TRPM3: variants seen among roughly 807,000 people sequenced by gnomAD.
TRPM3 encodes the protein long transient receptor potential channel 3.
TRPM3 carries 77 observed loss-of-function variants against 181.2 expected under a neutral mutation model. The ratio of observed to expected loss-of-function variants is 0.42; its 90% CI spans 0.35 to 0.51. The LOEUF is 0.51. Ranked by LOEUF, TRPM3 falls within the 20% of genes least tolerant of loss-of-function variation. TRPM3 has a pLI of 0.01. For synonymous variants in TRPM3, 745 were observed against 796.4 expected (o/e 0.94, Z 1.09); for missense variants, 1,759 against 2,196.7 (o/e 0.80, Z 3.98).
At chr9:70,906,867 C>T (rs923423909) in intron 1 of TRPM3, among the ~76,000 whole-genome samples, 1 of 152,124 alleles carries the variant, frequency 6.6e-6, no homozygotes, top group African/African-American at 2.4e-5. Context: ...TGCTCCATTA[C>T]ACTCCAGCCT....
chr9:71,105,254 T>C (rs547976603), intron 1 of TRPM3, among the ~76,000 whole-genome samples: 2 of 152,158 alleles, frequency 1.3e-5, no homozygotes, highest in Admixed American at 6.5e-5. Context: ...AAAACTAATA[T>C]AGAGTGTGTT....
intron 1 of TRPM3, among the ~76,000 whole-genome samples, chr9:71,203,003 C>T (rs80308766): frequency 2.6e-5 from 4 of 152,234 alleles, no homozygotes; most frequent in African/African-American, 9.6e-5. Context: ...TATAGCATTC[C>T]CACAGCACTG....
At chr9:70,589,089 C>T (rs1019196918) in intron 22 of TRPM3, among the ~76,000 whole-genome samples, 2 of 152,132 alleles carry the variant, frequency 1.3e-5, no homozygotes, top group Admixed American at 6.5e-5. Flanking sequence ...GGTTTGGAGT[C>T]GAAATTTATT....
chr9:71,160,186 GGTTCT>G (rs2076211173), intron 1 of TRPM3, among the ~76,000 whole-genome samples: 1 of 151,978 alleles, frequency 6.6e-6, no homozygotes, highest in African/African-American at 2.4e-5. Flanking sequence ...ATATCTTAAT[GGTTCT>G]GTCATCCCTT....
intron 8 of TRPM3, among the ~76,000 whole-genome samples, chr9:70,752,059 C>T (rs914006788): frequency 3.4e-4 from 41 of 120,504 alleles, no homozygotes; most frequent in Admixed American, 1.3e-3. Flanking sequence ...TGCGCGCGCG[C>T]GCGCATACAC....
At chr9:70,613,390 G>A (rs1009710869) in intron 18 of TRPM3, among the ~76,000 whole-genome samples, 1 of 152,200 alleles carries the variant, frequency 6.6e-6, no homozygotes, top group African/African-American at 2.4e-5. Flanking sequence ...GTGAATTGAG[G>A]TTGATATTTT....
chr9:70,783,950 C>G (rs1247204205), intron 7 of TRPM3, 155 bp downstream of exon 7: 2 of 1,415,456 alleles, frequency 1.4e-6, no homozygotes, highest in Admixed American at 2.9e-5. Context: ...CTGTTCTTCA[C>G]CACAGCCCTC....
chr9:71,008,949 C>T (rs545166035), intron 1 of TRPM3, among the ~76,000 whole-genome samples: 1 of 152,296 alleles, frequency 6.6e-6, no homozygotes, highest in South Asian at 2.1e-4. Flanking sequence ...TGGTACATCA[C>T]ATTAACAGAA....
intron 1 of TRPM3, among the ~76,000 whole-genome samples, chr9:71,301,417 G>A (rs991447869): frequency 2.0e-5 from 3 of 152,268 alleles, no homozygotes; most frequent in Admixed American, 2.0e-4. Flanking sequence ...GGGTCACTGA[G>A]TATGTATCAC....
chr9:70,823,751 TGGTACTTAG>T (rs2131622241), intron 6 of TRPM3, among the ~76,000 whole-genome samples: 1 of 152,386 alleles, frequency 6.6e-6, no homozygotes, highest in African/African-American at 2.4e-5. Flanking sequence ...TAACCATGAC[TGGTACTTAG>T]TAGGAATTCG....
At chr9:71,056,120 T>A (rs1357885931) in intron 1 of TRPM3, among the ~76,000 whole-genome samples, 1 of 151,990 alleles carries the variant, frequency 6.6e-6, no homozygotes, top group Non-Finnish European at 1.5e-5. Context: ...CGGCAGAGCA[T>A]GATTCACAAC....
intron 1 of TRPM3, among the ~76,000 whole-genome samples, chr9:71,197,285 C>T (rs1273172905): frequency 6.6e-6 from 1 of 152,014 alleles, no homozygotes; most frequent in African/African-American, 2.4e-5. Context: ...GGACATTTCG[C>T]TTGGTTCCAA....
chr9:70,915,298 C>A (rs551101838), intron 1 of TRPM3, among the ~76,000 whole-genome samples: 1 of 150,422 alleles, frequency 6.6e-6, no homozygotes, highest in Non-Finnish European at 1.5e-5. Flanking sequence ...GCATCAGAGT[C>A]TTTTTTTTTC....
intron 1 of TRPM3, among the ~76,000 whole-genome samples, chr9:70,978,234 T>C (rs2097326382): frequency 6.6e-6 from 1 of 152,230 alleles, no homozygotes; most frequent in Admixed American, 6.5e-5. Context: ...TAGCCACTGC[T>C]AGCTGTAGCG....
At chr9:70,841,661 T>TATATATATATATATATGA (rs1339698170) in intron 5 of TRPM3, among the ~76,000 whole-genome samples, 30 of 86,086 alleles carry the variant, frequency 3.5e-4, no homozygotes, top group African/African-American at 1.4e-3. Context: ...TATATATATA[T>TATATATATATATATATGA]CCCACCATAT....
At chr9:70,965,283 C>G (rs1046287909) in intron 1 of TRPM3, among the ~76,000 whole-genome samples, 2 of 151,970 alleles carry the variant, frequency 1.3e-5, no homozygotes, top group African/African-American at 4.8e-5. Flanking sequence ...AATTATTGTA[C>G]TTTGATTTTA....
chr9:71,096,590 A>ACTCTCTCTCTCT (rs71367255), intron 1 of TRPM3, among the ~76,000 whole-genome samples: 5 of 89,998 alleles, frequency 5.6e-5, no homozygotes, highest in African/African-American at 2.6e-4. Context: ...ACACACACAC[A>ACTCTCTCTCTCT]CTCTCTCTCT....
intron 1 of TRPM3, among the ~76,000 whole-genome samples, chr9:71,055,782 TG>T (rs1424569016): frequency 6.6e-6 from 1 of 152,008 alleles, no homozygotes; most frequent in Non-Finnish European, 1.5e-5. Context: ...AAATAAATGT[TG>T]TTTTGAATGA....
chr9:71,341,817 T>C (rs1318216427), intron 1 of TRPM3, among the ~76,000 whole-genome samples: 4 of 151,968 alleles, frequency 2.6e-5, no homozygotes, highest in African/African-American at 9.7e-5. Flanking sequence ...TGGAGAAAAG[T>C]ATATATGAGG....
Sources: allele counts gnomAD v4.1 joint callset (sites outside exome capture counted in the v4.1 genomes callset), GRCh38; gene constraint gnomAD v4.1.1; transcripts MANE v1.5; gene names NCBI Gene and HGNC (gene_info 2026-07-23, HGNC 2026-07-21).